The following NPSR1 variants were observed in gnomAD, a reference collection of about 807,000 sequenced individuals.
The protein encoded by NPSR1 is neuropeptide S receptor 1, also known as neuropeptide S receptor.
In NPSR1, 48 loss-of-function variants were observed where a neutral mutation model predicts 46.9. That is an observed-to-expected ratio of 1.02 (90% confidence interval 0.81 to 1.30). NPSR1 has a LOEUF of 1.30. Among genes scored for constraint, NPSR1 ranks in the 50% most tolerant of loss-of-function variants. The pLI is 0.00. For synonymous variants in NPSR1, 176 were observed against 168.1 expected (o/e 1.05, Z -0.36); for missense variants, 450 against 449.5 (o/e 1.00, Z -0.01).
At chr7:34,740,930 T>C (rs1011868840) in intron 2 of NPSR1, among the ~76,000 whole-genome samples, 9 of 152,214 alleles carry the variant, frequency 5.9e-5, no homozygotes, top group African/African-American at 2.2e-4. Context: ...CTGTCCACCG[T>C]GAGCCTCTGT....
At chr7:34,846,348 G>A (rs1182657057) in intron 7 of NPSR1, among the ~76,000 whole-genome samples, 3 of 151,992 alleles carry the variant, frequency 2.0e-5, no homozygotes, top group Non-Finnish European at 4.4e-5. Context: ...AGCCCTACCA[G>A]ACCAAAAGGG....
chr7:34,666,280 C>A (rs1315444362), intron 1 of NPSR1, among the ~76,000 whole-genome samples: 1 of 152,152 alleles, frequency 6.6e-6, no homozygotes, highest in African/African-American at 2.4e-5. Context: ...GAAAAGAGAA[C>A]AGGTTTCTGT....
chr7:34,701,094 A>G (rs867896642), intron 2 of NPSR1, among the ~76,000 whole-genome samples: 20 of 152,230 alleles, frequency 1.3e-4, no homozygotes, highest in African/African-American at 4.8e-4. Flanking sequence ...GCTTTAAAGA[A>G]TGACCAGACT....
chr7:34,762,298 G>A (rs1174199078), intron 2 of NPSR1, among the ~76,000 whole-genome samples: 2 of 152,182 alleles, frequency 1.3e-5, no homozygotes, highest in Admixed American at 1.3e-4. Flanking sequence ...TTAATAAAGA[G>A]CCGGGGAGTT....
chr7:34,727,528 AC>A lies in NPSR1; in HGVS notation c.280+42846del, dbSNP rs1194921189. Among the ~76,000 whole-genome samples, 3 of 152,330 alleles carry A rather than the reference AC, an allele frequency of 2.0e-5. No homozygotes were observed. In the South Asian group the frequency reaches 6.2e-4, roughly 32 times the overall value. ...GTGTATAGCTGGACACCACTTTGCT[AC>A]CTGGATAAGTTCATGTAGCAACCAC... On this transcript the variant is annotated intron_variant, in intron 2 of 8. Coordinates refer to ENST00000360581, the MANE Select transcript of NPSR1 (RefSeq NM_207172.2).
intron 2 of NPSR1, among the ~76,000 whole-genome samples, chr7:34,749,300 T>G (rs1785380994): frequency 6.6e-6 from 1 of 152,208 alleles, no homozygotes; most frequent in African/African-American, 2.4e-5. Flanking sequence ...TTTCTCTTGA[T>G]TCTCTAGCTC....
At chr7:34,714,434 G>T (rs1158087700) in intron 2 of NPSR1, among the ~76,000 whole-genome samples, 1 of 152,194 alleles carries the variant, frequency 6.6e-6, no homozygotes, top group Non-Finnish European at 1.5e-5. Flanking sequence ...GTACTTGGTT[G>T]TGGTTATAGA....
At chr7:34,776,081 G>A (rs1012034107) in intron 2 of NPSR1, among the ~76,000 whole-genome samples, 2 of 151,932 alleles carry the variant, frequency 1.3e-5, no homozygotes, top group African/African-American at 4.8e-5. Context: ...TTCCATTATG[G>A]TCAGAGATGA....
intron 2 of NPSR1, among the ~76,000 whole-genome samples, chr7:34,695,943 C>T (rs1212640684): frequency 6.6e-6 from 1 of 152,028 alleles, no homozygotes; most frequent in East Asian, 1.9e-4. Flanking sequence ...CAAGCAATCT[C>T]ACTACTGAGT....
At chr7:34,867,383 C>T (rs567472206) in intron 8 of NPSR1, among the ~76,000 whole-genome samples, 1 of 151,972 alleles carries the variant, frequency 6.6e-6, no homozygotes, top group African/African-American at 2.4e-5. Flanking sequence ...TCACTTGCTG[C>T]CTCTCATTGC....
intron 2 of NPSR1, among the ~76,000 whole-genome samples, chr7:34,723,970 A>G (rs993310600): frequency 4.6e-5 from 7 of 152,256 alleles, no homozygotes; most frequent in African/African-American, 1.7e-4. Context: ...GGTCAGAGAG[A>G]AAAATTATCC....
intron 5 of NPSR1, among the ~76,000 whole-genome samples, chr7:34,829,570 C>T (rs2128757375): frequency 6.6e-6 from 1 of 152,256 alleles, no homozygotes; most frequent in East Asian, 1.9e-4. Context: ...GGCTTCACTG[C>T]TGATTGATTT....
downstream of NPSR1, among the ~76,000 whole-genome samples, chr7:34,850,602 G>A (rs566346899): frequency 2.6e-5 from 4 of 152,102 alleles, no homozygotes; most frequent in East Asian, 3.9e-4. Flanking sequence ...GAGTTTCACC[G>A]TGTTAGCCAG....
Position 34,782,663 on chromosome 7 carries a change from T to C in NPSR1, c.384+4098T>C, listed in dbSNP as rs558685617. Among the ~76,000 whole-genome samples, 60 of 152,226 alleles carry C rather than the reference T, an allele frequency of 3.9e-4. No homozygotes were observed. In the South Asian group the frequency reaches 0.012, roughly 32 times the overall value. ...TTTGTTGATGTTTATCTTTCCCTTA[T>C]ATTGATGTGTGTGCATTTGACTGCT... On this transcript the variant is annotated intron_variant, in intron 3 of 8. Transcript: ENST00000360581.
At chr7:34,785,655 AG>A (rs530863189) in intron 3 of NPSR1, among the ~76,000 whole-genome samples, 66 of 152,248 alleles carry the variant, frequency 4.3e-4, no homozygotes, top group African/African-American at 1.6e-3. Flanking sequence ...AAAGGCTAAA[AG>A]ACAAAACTAT....
intron 2 of NPSR1, among the ~76,000 whole-genome samples, chr7:34,694,870 C>T (rs1793438638): frequency 6.6e-6 from 1 of 152,092 alleles, no homozygotes. Flanking sequence ...TCACCATGCC[C>T]AGCTAATTTT....
At chr7:34,822,677 A>G (rs1789615820) in intron 4 of NPSR1, among the ~76,000 whole-genome samples, 2 of 152,250 alleles carry the variant, frequency 1.3e-5, no homozygotes, top group African/African-American at 4.8e-5. Context: ...ATGAATTAGT[A>G]TACGGTGTTG....
At chr7:34,704,746 C>T (rs1794015441) in intron 2 of NPSR1, among the ~76,000 whole-genome samples, 1 of 152,172 alleles carries the variant, frequency 6.6e-6, no homozygotes, top group Non-Finnish European at 1.5e-5. Context: ...TTGGAGGCTG[C>T]TGGCCTAGGG....
intron 3 of NPSR1, among the ~76,000 whole-genome samples, chr7:34,803,824 T>C (rs1788555435): frequency 6.6e-6 from 1 of 150,382 alleles, no homozygotes; most frequent in South Asian, 2.1e-4. Flanking sequence ...TCATCACTAC[T>C]GATTCTGTGG....
Sources: gnomAD v4.1 joint callset for allele counts (sites outside exome capture counted in the v4.1 genomes callset) on GRCh38, gnomAD v4.1.1 for gene constraint, MANE v1.5 for transcripts, NCBI Gene and HGNC (gene_info 2026-07-23, HGNC 2026-07-21) for gene names.